Variants in NYAP2 observed in about 807,000 individuals in gnomAD.
The protein encoded by NYAP2 is neuronal tyrosine-phosphorylated phosphoinositide-3-kinase adapter 2.
NYAP2 carries 23 observed loss-of-function variants against 50.4 expected under a neutral mutation model. That is an observed-to-expected ratio of 0.46 (90% CI 0.33 to 0.65). The LOEUF is 0.65. Ranked by LOEUF, NYAP2 falls within the 30% of genes least tolerant of loss-of-function variation. The pLI, the probability that NYAP2 is intolerant of heterozygous loss-of-function variation, is 0.02. For synonymous variants in NYAP2, 394 were observed against 365.2 expected, an observed-to-expected ratio of 1.08 and a Z score of -0.90; for missense variants, 885 against 861.0, an observed-to-expected ratio of 1.03 and a Z score of -0.35.
the NYAP2 span, among the ~76,000 whole-genome samples, chr2:225,697,610 C>A: frequency 6.6e-6 from 1 of 151,684 alleles, no homozygotes; most frequent in Admixed American, 6.6e-5. Context: ...AATATTAGAC[C>A]TCACTGAAAA....
At chr2:225,549,645 T>A (rs1691638628) in intron 4 of NYAP2, among the ~76,000 whole-genome samples, 1 of 152,090 alleles carries the variant, frequency 6.6e-6, no homozygotes, top group Non-Finnish European at 1.5e-5. Context: ...AGCTATCGAG[T>A]TAGACAAAAT....
Position 225,564,755 on chromosome 2 carries a change from C to G in NYAP2, c.524-17186C>G, listed in dbSNP as rs1691934346. Reference sequence around the variant, plus strand: ...CCATCTCAGTTTTTAGAAATATTCTCTATTTTTTTAACAATCTAGTCACAC... The same window carrying G: ...CCATCTCAGTTTTTAGAAATATTCTGTATTTTTTTAACAATCTAGTCACAC... On this transcript the variant is annotated intron_variant, in intron 4 of 6. Transcript: ENST00000636099. Among the ~76,000 whole-genome samples the G allele has an allele frequency of 2.6e-5, 4 of 151,992 alleles. No individual in the cohort carries two copies. In the South Asian group the frequency reaches 8.3e-4, roughly 32 times the overall value.
chr2:225,514,116 T>C (rs1574653003), intron 4 of NYAP2, among the ~76,000 whole-genome samples: 1 of 152,256 alleles, frequency 6.6e-6, no homozygotes, highest in African/African-American at 2.4e-5. Context: ...TATTTATGTG[T>C]GTATGTGTGT....
chr2:225,448,468 G>A (rs1192439215), intron 3 of NYAP2, among the ~76,000 whole-genome samples: 3 of 152,164 alleles, frequency 2.0e-5, no homozygotes, highest in African/African-American at 7.2e-5. Flanking sequence ...CTGAATTAAT[G>A]TGCCCATCCT....
intron 6 of NYAP2, among the ~76,000 whole-genome samples, chr2:225,651,184 G>T (rs774729614): frequency 2.0e-5 from 3 of 152,198 alleles, no homozygotes; most frequent in Non-Finnish European, 4.4e-5. Context: ...CCTAAGTGAG[G>T]TAAAATGTGC....
At chr2:225,588,177 C>T (rs559878407) in intron 5 of NYAP2, among the ~76,000 whole-genome samples, 28 of 152,232 alleles carry the variant, frequency 1.8e-4, no homozygotes, top group Non-Finnish European at 2.6e-4. Flanking sequence ...CTGCCTGCCT[C>T]GGCTTCCCAA....
At chr2:225,639,830 AGT>A (rs1398756543) in intron 6 of NYAP2, among the ~76,000 whole-genome samples, 4 of 152,138 alleles carry the variant, frequency 2.6e-5, no homozygotes, top group South Asian at 2.1e-4. Context: ...CTTCCTTTAG[AGT>A]GTGTTTCAAC....
intron 4 of NYAP2, among the ~76,000 whole-genome samples, chr2:225,538,786 C>CTTTTCT (rs1553547815): frequency 0.031 from 498 of 16,184 alleles, 1 homozygote; most frequent in South Asian, 0.068. Context: ...TCTTTTCTTT[C>CTTTTCT]TTTCTTTCTT....
chr2:225,412,255 CTTTT>C (rs560637948), intron 3 of NYAP2, among the ~76,000 whole-genome samples: 61 of 59,148 alleles, frequency 1.0e-3, no homozygotes, highest in East Asian at 1.9e-3. Flanking sequence ...CTGCGCCCGG[CTTTT>C]TTTTTTTTTT....
At position 225,628,207 on chromosome 2, in the gene NYAP2, TAC is replaced by T. The variant is rs541351832; in HGVS notation, c.1828+1082_1828+1083del. Reference sequence around the variant, plus strand: ...ATGAGTTAAAATTTGGCCAAAGGAATACTATATAAATTTAATAAAAATTTCAA... The same window carrying T: ...ATGAGTTAAAATTTGGCCAAAGGAATTATATAAATTTAATAAAAATTTCAA... On this transcript the variant is annotated intron_variant, in intron 6 of 6. Transcript: ENST00000636099. Among the ~76,000 whole-genome samples, 3 of 152,106 alleles carry T rather than the reference TAC, an allele frequency of 2.0e-5. No homozygotes were observed. In the East Asian group the frequency reaches 5.8e-4, roughly 29 times the overall value.
intron 3 of NYAP2, among the ~76,000 whole-genome samples, chr2:225,464,980 T>C (rs1393110628): frequency 6.6e-6 from 1 of 152,234 alleles, no homozygotes; most frequent in East Asian, 1.9e-4. Context: ...GAGACTTTTA[T>C]TCAATTACTG....
the NYAP2 span, among the ~76,000 whole-genome samples, chr2:225,680,558 A>G: frequency 6.6e-6 from 1 of 152,198 alleles, no homozygotes; most frequent in Non-Finnish European, 1.5e-5. Context: ...AGTCATTGCA[A>G]CTTATATAAC....
At chr2:225,691,742 C>T in the NYAP2 span, among the ~76,000 whole-genome samples, 1 of 152,074 alleles carries the variant, frequency 6.6e-6, no homozygotes, top group Non-Finnish European at 1.5e-5. Context: ...CTTCTTGAGT[C>T]ACACACACTG....
At chr2:225,580,645 G>T (rs1204173240) in intron 4 of NYAP2, among the ~76,000 whole-genome samples, 1 of 152,100 alleles carries the variant, frequency 6.6e-6, no homozygotes, top group Non-Finnish European at 1.5e-5. Flanking sequence ...TAGAATATTT[G>T]ATTGGTTCCC....
At chr2:225,476,097 A>G (rs952245667) in intron 3 of NYAP2, among the ~76,000 whole-genome samples, 1 of 152,232 alleles carries the variant, frequency 6.6e-6, no homozygotes, top group Non-Finnish European at 1.5e-5. Context: ...TGTGAGGCAG[A>G]TTAGTCTTAA....
intron 6 of NYAP2, among the ~76,000 whole-genome samples, chr2:225,628,751 T>A (rs1559234662): frequency 6.6e-6 from 1 of 152,192 alleles, no homozygotes; most frequent in Non-Finnish European, 1.5e-5. Flanking sequence ...TTTGTACCAA[T>A]TCTATTGAAA....
At chr2:225,665,807 TAAAAAAAAAAAAAAA>T in the NYAP2 span, among the ~76,000 whole-genome samples, 13 of 21,000 alleles carry the variant, frequency 6.2e-4, no homozygotes, top group African/African-American at 1.5e-3. Flanking sequence ...AGCCTCCGTC[TAAAAAAAAAAAAAAA>T]AAAAAAAAAA....
intron 3 of NYAP2, among the ~76,000 whole-genome samples, chr2:225,494,157 AT>A (rs1690459929): frequency 6.6e-6 from 1 of 152,224 alleles, no homozygotes; most frequent in African/African-American, 2.4e-5. Context: ...GAAGAAAAAT[AT>A]TTTATAAATC....
chr2:225,606,556 TTCAG>T (rs1394979842), intron 5 of NYAP2, among the ~76,000 whole-genome samples: 29 of 152,160 alleles, frequency 1.9e-4, no homozygotes, highest in African/African-American at 7.0e-4. Context: ...GCTTTGACTT[TTCAG>T]TCATTCTCTT....
Sources: gnomAD v4.1 joint callset for allele counts (sites outside exome capture counted in the v4.1 genomes callset) on GRCh38, gnomAD v4.1.1 for gene constraint, MANE v1.5 for transcripts, NCBI Gene and HGNC (gene_info 2026-07-23, HGNC 2026-07-21) for gene names.